JMY: variants seen among roughly 807,000 people sequenced by gnomAD.
JMY encodes junction-mediating and -regulatory protein.
JMY carries 46 observed loss-of-function variants against 103.3 expected under a neutral mutation model. The ratio of observed to expected loss-of-function variants is 0.45; its 90% CI spans 0.35 to 0.57. The LOEUF (loss-of-function observed/expected upper bound fraction) is 0.57. JMY is among the 20% of genes least tolerant of loss of function. The pLI is 0.00. For synonymous variants in JMY, 526 were observed against 489.3 expected, an observed-to-expected ratio of 1.07 and a Z score of -0.99; for missense variants, 1,238 against 1,255.2, an observed-to-expected ratio of 0.99 and a Z score of 0.21.
chr5:79,240,162 T>A (rs1744690410), intron 1 of JMY, among the ~76,000 whole-genome samples: 1 of 150,104 alleles, frequency 6.7e-6, no homozygotes, highest in East Asian at 2.0e-4. Flanking sequence ...ATTATAGGCG[T>A]GTGCCACCTT....
chr5:79,275,764 A>C (rs1279265457), intron 1 of JMY, among the ~76,000 whole-genome samples: 2 of 152,260 alleles, frequency 1.3e-5, no homozygotes, highest in Non-Finnish European at 2.9e-5. Context: ...CCTTAAAAAA[A>C]CAGAATGATA....
At chr5:79,284,060 T>TTTA (rs1746198601) in intron 2 of JMY, 8 of 1,020,652 alleles carry the variant, frequency 7.8e-6, no homozygotes, top group Non-Finnish European at 9.6e-6. Context: ...TTCTTTTTTT[T>TTTA]ATTTTTTTAT....
At position 79,314,308 on chromosome 5, in the gene JMY, G is replaced by T. The variant is rs768978031; in HGVS notation, c.2116G>T (p.Ala706Ser). The T allele has an allele frequency of 1.9e-6, 3 of 1,614,066 alleles. No individual in the cohort carries two copies. Among genetic ancestry groups the T allele is most frequent in the African/African-American group, 2.7e-5 (2 of 74,944 alleles). ...LKSTRLRLAH[A>S]RRKGAASPVL... ...ATCAACCAGATTACGACTAGCTCAT[G>T]CAAGAAGAAAAGGTGCAGCAAGTCC... The change falls in exon 9 of 11, where the codon GCA becomes TCA. Residue 706 changes from alanine (A) to serine (S), a missense_variant. By Grantham distance (99) the Ala-to-Ser change is moderately conservative. Coordinates refer to ENST00000396137, the MANE Select transcript of JMY (RefSeq NM_152405.5).
At chr5:79,246,359 TA>T (rs1318987967) in intron 1 of JMY, among the ~76,000 whole-genome samples, 1 of 150,924 alleles carries the variant, frequency 6.6e-6, no homozygotes. Context: ...CTGCAATAGT[TA>T]GTTAACCTTT....
chr5:79,288,064 A>T (rs1452951429), intron 2 of JMY, among the ~76,000 whole-genome samples: 2 of 152,248 alleles, frequency 1.3e-5, no homozygotes, highest in African/African-American at 4.8e-5. Context: ...AAACAACTCC[A>T]CCAGAATCCT....
At chr5:79,288,721 T>TTTTG (rs1746340190) in intron 2 of JMY, among the ~76,000 whole-genome samples, 2 of 151,860 alleles carry the variant, frequency 1.3e-5, no homozygotes, top group African/African-American at 2.4e-5. Flanking sequence ...GTTTTGTTTT[T>TTTTG]TTTTGTTTGT....
intron 2 of JMY, among the ~76,000 whole-genome samples, chr5:79,282,856 G>A (rs1438817585): frequency 6.6e-6 from 1 of 152,050 alleles, no homozygotes; most frequent in East Asian, 1.9e-4. Context: ...GAATTGTTTG[G>A]TATGCTTTTA....
At position 79,300,279 on chromosome 5, in the gene JMY, T is replaced by C. The variant is rs773033360; in HGVS notation, c.1654T>C (p.Leu552=). ...FEILKCEELL[L]TAQLESIKRL... ...AATCTTGAAGTGTGAAGAGTTACTA[T>C]TGACAGCGCAACTAGAAAGCATCAA... The change falls in exon 5 of 11, where the codon TTG becomes CTG. Residue 552 remains leucine (L), a synonymous_variant. Coordinates refer to ENST00000396137, the MANE Select transcript of JMY (RefSeq NM_152405.5). 1 of 1,590,746 alleles carries C rather than the reference T, an allele frequency of 6.3e-7. No individual in the cohort carries two copies.
Position 79,237,402 on chromosome 5 carries a change from A to G in JMY, c.752A>G (p.Gln251Arg). 6.2e-7 allele frequency: 1 copy of G among 1,613,380 alleles called. No homozygotes were observed. Among genetic ancestry groups the G allele is most frequent in the South Asian group, 1.1e-5 (1 of 91,068 alleles). Reference sequence around the variant, plus strand: ...CAGCAGCTGTGCTCGGTGAACTCGCAGTTGGAGCCGTGCCTGCCGGTGTTC... The same window carrying G: ...CAGCAGCTGTGCTCGGTGAACTCGCGGTTGGAGCCGTGCCTGCCGGTGTTC... ...VHQQLCSVNS[Q>R]LEPCLPVFPE... The change falls in exon 1 of 11, where the codon CAG (glutamine) becomes CGG (arginine). Residue 251 changes from glutamine to arginine, a missense_variant. Physicochemically the swap from Gln to Arg is conservative, Grantham distance 43. Coordinates refer to ENST00000396137, the MANE Select transcript of JMY (RefSeq NM_152405.5).
Position 79,325,272 on chromosome 5 carries a change from A to T in JMY, c.*3670A>T, listed in dbSNP as rs910444163. The T allele has an allele frequency of 5.9e-5, 9 of 152,184 alleles. No individual in the cohort carries two copies. Among genetic ancestry groups the T allele is most frequent in the Non-Finnish European group, 1.0e-4 (7 of 68,004 alleles). 9.4% of individuals were successfully genotyped at this position (152,184 alleles called of 1,614,324 possible). On this transcript the variant is annotated 3_prime_UTR_variant, in exon 11 of 11. Transcript: ENST00000396137. ...ATTATTGAAGTATTACAAACTTAAC[A>T]TCAGATACCAATGTGTAAAAAGTAC... is the stretch of plus-strand genomic sequence containing the variant.
intron 1 of JMY, among the ~76,000 whole-genome samples, chr5:79,264,657 A>T (rs944329371): frequency 6.6e-6 from 1 of 152,212 alleles, no homozygotes; most frequent in Non-Finnish European, 1.5e-5. Flanking sequence ...CACTGGAGAT[A>T]AGACCCTGGC....
At chr5:79,270,458 ATATT>A (rs1350348313) in intron 1 of JMY, among the ~76,000 whole-genome samples, 2 of 88,324 alleles carry the variant, frequency 2.3e-5, no homozygotes, top group Admixed American at 1.3e-4. Context: ...ATTTACATAA[ATATT>A]TAAAATGTAT....
rs1216299481 is a variant in JMY at position 79,324,703 on chromosome 5, A to G, written c.*3101A>G. 1.3e-5 allele frequency: 2 copies of G among 152,220 alleles called. No individual in the cohort carries two copies. The highest frequency in any genetic ancestry group is 2.9e-5 in the Non-Finnish European group (2 of 68,024). 9.4% of individuals were successfully genotyped at this position (152,220 alleles called of 1,614,324 possible). On this transcript the variant is annotated 3_prime_UTR_variant, in exon 11 of 11. Transcript: ENST00000396137. ...TGAAGAATGGTTTTGCTTGTATTAT[A>G]TAGGCTTACTGAGTTTGTGAGCAGC...
At chr5:79,249,116 A>G (rs1745000580) in intron 1 of JMY, among the ~76,000 whole-genome samples, 1 of 150,238 alleles carries the variant, frequency 6.7e-6, no homozygotes, top group African/African-American at 2.5e-5. Flanking sequence ...GTTGCTAATG[A>G]AAAGTTTATG....
At chr5:79,298,410 G>T (rs1297437157) in intron 4 of JMY, among the ~76,000 whole-genome samples, 1 of 152,190 alleles carries the variant, frequency 6.6e-6, no homozygotes, top group Admixed American at 6.5e-5. Flanking sequence ...CTGGGCAAGA[G>T]CCCCAAGAGA....
At chr5:79,284,486 C>T (rs1036700627) in intron 2 of JMY, 18 of 1,586,840 alleles carry the variant, frequency 1.1e-5, no homozygotes, top group Admixed American at 3.3e-5. Flanking sequence ...CTGATTGTTG[C>T]GTTTTTTAGT....
At chr5:79,288,935 T>G (rs1746345422) in intron 2 of JMY, among the ~76,000 whole-genome samples, 2 of 151,994 alleles carry the variant, frequency 1.3e-5, no homozygotes. Context: ...CAGCATTGTT[T>G]AGAGACTATG....
At chr5:79,314,874 T>A (rs1747168606) in intron 9 of JMY, 23 bp downstream of exon 9, 2 of 1,529,758 alleles carry the variant, frequency 1.3e-6, no homozygotes, top group South Asian at 2.6e-5. Flanking sequence ...ATTTTCATGG[T>A]CCATCTGTTG....
At chr5:79,272,729 G>A (rs1745821883) in intron 1 of JMY, among the ~76,000 whole-genome samples, 1 of 152,200 alleles carries the variant, frequency 6.6e-6, no homozygotes. Context: ...AAACTCGTGA[G>A]TTCAAGTGAT....
Sources: allele counts gnomAD v4.1 joint callset (sites outside exome capture counted in the v4.1 genomes callset), GRCh38; gene constraint gnomAD v4.1.1; transcripts MANE v1.5; gene names NCBI Gene and HGNC (gene_info 2026-07-23, HGNC 2026-07-21).